Variants in CRISPLD2 observed in about 807,000 individuals in gnomAD.
CRISPLD2 encodes the protein cysteine-rich secretory protein LCCL domain-containing 2.
In CRISPLD2, 47 loss-of-function variants were observed where a neutral mutation model predicts 71.1. The ratio of observed to expected loss-of-function variants is 0.66; its 90% CI spans 0.52 to 0.84. CRISPLD2 has a LOEUF of 0.84. CRISPLD2 is among the 40% of genes least tolerant of loss of function. The pLI, the probability that CRISPLD2 is intolerant of heterozygous loss-of-function variation, is 0.00. For missense variants in CRISPLD2, 830 were observed against 651.1 expected (o/e 1.27, Z -2.99); for synonymous variants, 317 against 250.1 (o/e 1.27, Z -2.52).
intron 8 of CRISPLD2, among the ~76,000 whole-genome samples, chr16:84,869,848 C>T (rs1381579541): frequency 6.6e-6 from 1 of 152,264 alleles, no homozygotes; most frequent in Non-Finnish European, 1.5e-5. Flanking sequence ...ATAGCATCAC[C>T]CCTGAGTAGT....
intron 10 of CRISPLD2, chr16:84,873,574 A>G (rs1043256536): frequency 4.4e-6 from 1 of 229,760 alleles, no homozygotes. Context: ...TAATTTGATC[A>G]TGATATTAAT....
chr16:84,901,312 A>C (rs1313203403), intron 14 of CRISPLD2, among the ~76,000 whole-genome samples: 1 of 152,126 alleles, frequency 6.6e-6, no homozygotes, highest in Non-Finnish European at 1.5e-5. Context: ...TAAGATCTAA[A>C]CATCTCTCCT....
chr16:84,906,365 T>G (rs1045421628), intron 14 of CRISPLD2, among the ~76,000 whole-genome samples: 4 of 152,186 alleles, frequency 2.6e-5, no homozygotes, highest in Non-Finnish European at 5.9e-5. Flanking sequence ...AGCCTTGACC[T>G]AGAATCAGAT....
intron 1 of CRISPLD2, among the ~76,000 whole-genome samples, chr16:84,833,948 C>G (rs1916553160): frequency 6.6e-6 from 1 of 152,146 alleles, no homozygotes; most frequent in Admixed American, 6.5e-5. Context: ...CCCCCTTCCC[C>G]CTGCATGGGT....
At chr16:84,879,484 TC>T (rs2051352152) in intron 12 of CRISPLD2, among the ~76,000 whole-genome samples, 1 of 152,054 alleles carries the variant, frequency 6.6e-6, no homozygotes, top group African/African-American at 2.4e-5. Context: ...TGCCTCAGCG[TC>T]CCGCGTAGCT....
chr16:84,841,782 G>A (rs530184866), intron 2 of CRISPLD2, among the ~76,000 whole-genome samples: 132 of 152,242 alleles, frequency 8.7e-4, no homozygotes, highest in Non-Finnish European at 1.6e-3. Flanking sequence ...TTTTAGTAGA[G>A]ACGGTGTTTG....
At chr16:84,896,778 G>C (rs112812749) in intron 14 of CRISPLD2, among the ~76,000 whole-genome samples, 129 of 152,272 alleles carry the variant, frequency 8.5e-4, no homozygotes, top group African/African-American at 2.3e-3. Context: ...CATACATATA[G>C]AGACAGTTAT....
intron 6 of CRISPLD2, among the ~76,000 whole-genome samples, chr16:84,855,441 G>A (rs981702155): frequency 3.9e-5 from 6 of 152,280 alleles, no homozygotes; most frequent in Admixed American, 2.6e-4. Context: ...CATCCAGCAC[G>A]GGAGAAAGAT....
chr16:84,874,112 A>G (rs1267549854), intron 11 of CRISPLD2, 149 bp downstream of exon 11: 17 of 770,230 alleles, frequency 2.2e-5, no homozygotes, highest in Non-Finnish European at 3.4e-5. Flanking sequence ...TCAAGACGTC[A>G]TCTCTTTAAC....
intron 3 of CRISPLD2, among the ~76,000 whole-genome samples, chr16:84,847,543 T>C (rs775879400): frequency 6.6e-6 from 1 of 151,534 alleles, no homozygotes; most frequent in Middle Eastern, 3.4e-3. Flanking sequence ...CCCAGCTACT[T>C]GGGAGGCTGA....
At chr16:84,839,554 T>C (rs2143177714) in intron 2 of CRISPLD2, 1 of 153,034 alleles carries the variant, frequency 6.5e-6, no homozygotes, top group Non-Finnish European at 1.5e-5. Flanking sequence ...GAGCTAACGG[T>C]GACAGAAGAC....
At chr16:84,852,288 C>A (rs367690386) in intron 5 of CRISPLD2, among the ~76,000 whole-genome samples, 3 of 152,298 alleles carry the variant, frequency 2.0e-5, no homozygotes, top group African/African-American at 7.2e-5. Flanking sequence ...CGGCAATAGC[C>A]CTCTACCCGT....
intron 8 of CRISPLD2, among the ~76,000 whole-genome samples, chr16:84,869,376 C>T (rs564840951): frequency 3.9e-5 from 6 of 152,196 alleles, no homozygotes; most frequent in Non-Finnish European, 4.4e-5. Flanking sequence ...GGAGAGGGGA[C>T]CTTGCTCGTC....
At chr16:84,842,515 A>G (rs1916802313) in intron 2 of CRISPLD2, among the ~76,000 whole-genome samples, 1 of 151,668 alleles carries the variant, frequency 6.6e-6, no homozygotes, top group African/African-American at 2.4e-5. Context: ...CTGGAACGAC[A>G]GGTGCGCACC....
intron 5 of CRISPLD2, among the ~76,000 whole-genome samples, chr16:84,851,425 C>CGTTCTTG (rs1475539201): frequency 6.6e-6 from 1 of 151,290 alleles, no homozygotes; most frequent in Non-Finnish European, 1.5e-5. Context: ...TGGCCACCGC[C>CGTTCTTG]GTTCTTGCCC....
intron 2 of CRISPLD2, among the ~76,000 whole-genome samples, chr16:84,840,859 T>C (rs1458709058): frequency 6.6e-6 from 1 of 152,188 alleles, no homozygotes; most frequent in Non-Finnish European, 1.5e-5. Context: ...ATTTATTGAA[T>C]GTGTGGGTAG....
intron 6 of CRISPLD2, among the ~76,000 whole-genome samples, chr16:84,859,335 A>G (rs899894607): frequency 6.6e-6 from 1 of 152,204 alleles, no homozygotes; most frequent in African/African-American, 2.4e-5. Context: ...GGAGGACCAC[A>G]GTGATGTTTT....
At chr16:84,878,751 G>C (rs2071543053) in intron 12 of CRISPLD2, among the ~76,000 whole-genome samples, 1 of 152,250 alleles carries the variant, frequency 6.6e-6, no homozygotes, top group South Asian at 2.1e-4. Context: ...ACCTTCTCAG[G>C]TGGAAAAGGC....
Position 84,880,414 on chromosome 16 carries a change from G to T in CRISPLD2, c.1230-95G>T. Reference sequence around the variant, plus strand: ...TGTATGGCGGTTTCCTTTCATCTACGAACTTAAATCTTGGAATTCAAATAA... The same window carrying T: ...TGTATGGCGGTTTCCTTTCATCTACTAACTTAAATCTTGGAATTCAAATAA... On this transcript the variant is annotated intron_variant, in intron 12 of 14. Coordinates refer to ENST00000262424, the MANE Select transcript of CRISPLD2 (RefSeq NM_031476.4). 3 of 942,048 alleles carry T rather than the reference G, an allele frequency of 3.2e-6. No homozygotes were observed. The South Asian group carries it at 5.9e-5, about 19-fold the overall frequency. The allele number at this position is 942,048 out of a possible 1,614,324, so 58.4% of individuals were successfully genotyped here. A position where few individuals can be genotyped will look rare whatever the true frequency, so the allele number is the denominator to read the frequency against.
Sources: gnomAD v4.1 joint callset for allele counts (sites outside exome capture counted in the v4.1 genomes callset) on GRCh38, gnomAD v4.1.1 for gene constraint, MANE v1.5 for transcripts, NCBI Gene and HGNC (gene_info 2026-07-23, HGNC 2026-07-21) for gene names.